Variants in SCN2A observed in about 807,000 individuals in gnomAD.
SCN2A encodes sodium voltage-gated channel alpha subunit 2, also known as sodium channel protein type 2 subunit alpha.
In SCN2A, 20 loss-of-function variants were observed where a neutral mutation model predicts 188.7. The ratio of observed to expected loss-of-function variants is 0.11; its 90% CI spans 0.07 to 0.15. The LOEUF (loss-of-function observed/expected upper bound fraction) is 0.15. SCN2A is among the 10% of genes least tolerant of loss of function. The probability of loss-of-function intolerance (pLI) is 1.00; values close to 1 mark genes in which losing one functional copy is unlikely to be tolerated. For synonymous variants in SCN2A, 804 were observed against 833.1 expected (o/e 0.97, Z 0.60); for missense variants, 1,278 against 2,445.0 (o/e 0.52, Z 10.07).
intron 17 of SCN2A, among the ~76,000 whole-genome samples, chr2:165,358,739 G>A (rs965447081): frequency 4.6e-5 from 7 of 151,816 alleles, no homozygotes; most frequent in Non-Finnish European, 7.4e-5. Context: ...ACTTTCTCCC[G>A]AAGAATATTA....
intron 16 of SCN2A, among the ~76,000 whole-genome samples, chr2:165,345,668 C>A (rs1699543894): frequency 6.6e-6 from 1 of 151,874 alleles, no homozygotes; most frequent in Non-Finnish European, 1.5e-5. Flanking sequence ...ATCCAATTTG[C>A]CAGTCTGTGT....
intron 25 of SCN2A, among the ~76,000 whole-genome samples, chr2:165,383,726 T>C (rs560839377): frequency 2.2e-4 from 34 of 152,258 alleles, no homozygotes; most frequent in African/African-American, 7.7e-4. Context: ...ATTTAAAAGT[T>C]TGTCTATTAA....
intron 1 of SCN2A, among the ~76,000 whole-genome samples, chr2:165,291,241 A>G (rs952548929): frequency 1.3e-5 from 2 of 150,836 alleles, no homozygotes; most frequent in African/African-American, 4.9e-5. Flanking sequence ...ATGGGGTTTC[A>G]TCATGTTGGC....
intron 1 of SCN2A, among the ~76,000 whole-genome samples, chr2:165,265,516 T>TATATATATC (rs71028476): frequency 8.1e-6 from 1 of 122,828 alleles, no homozygotes. Flanking sequence ...TATATATATA[T>TATATATATC]TGCTGTGCAG....
At chr2:165,329,149 TCTC>T (rs1698536553) in intron 13 of SCN2A, among the ~76,000 whole-genome samples, 1 of 152,098 alleles carries the variant, frequency 6.6e-6, no homozygotes, top group Non-Finnish European at 1.5e-5. Context: ...CAATTTTTGT[TCTC>T]CTTCTTTTTA....
At chr2:165,309,171 A>T in intron 5 of SCN2A, 181 bp from the exon 6 acceptor site, 1 of 1,613,428 alleles carries the variant, frequency 6.2e-7, no homozygotes, top group South Asian at 1.1e-5. Flanking sequence ...ACAGGTATGT[A>T]ACAGAATTTG....
chr2:165,307,993 T>A (rs908194484), intron 4 of SCN2A, 56 bp downstream of exon 4: 5 of 1,184,146 alleles, frequency 4.2e-6, no homozygotes, highest in Non-Finnish European at 6.3e-6. Flanking sequence ...ATTGTGCTTT[T>A]AACACCTTGA....
intron 3 of SCN2A, among the ~76,000 whole-genome samples, chr2:165,301,752 G>T (rs1316526745): frequency 6.6e-6 from 1 of 152,106 alleles, no homozygotes; most frequent in Non-Finnish European, 1.5e-5. Flanking sequence ...ATTGCACAAA[G>T]AACTTTATAG....
chr2:165,377,444 C>T (rs1035268817), intron 22 of SCN2A, among the ~76,000 whole-genome samples, 153 bp from the exon 23 acceptor site: 10 of 151,802 alleles, frequency 6.6e-5, no homozygotes, highest in African/African-American at 1.9e-4. Flanking sequence ...CAATGCATAT[C>T]GCAAAACATT....
intron 1 of SCN2A, among the ~76,000 whole-genome samples, chr2:165,292,956 G>A (rs1258635555): frequency 3.3e-5 from 5 of 152,304 alleles, no homozygotes; most frequent in African/African-American, 1.2e-4. Flanking sequence ...TGAAAGCCTA[G>A]CATTCACAAT....
At chr2:165,388,499 C>A in intron 26 of SCN2A, 130 bp from the exon 27 acceptor site, 1 of 1,247,006 alleles carries the variant, frequency 8.0e-7, no homozygotes, top group Non-Finnish European at 1.1e-6. Flanking sequence ...ACAAACATTG[C>A]AGATTATTTG....
intron 18 of SCN2A, 72 bp downstream of exon 18, chr2:165,365,335 G>T (rs1443389263): frequency 1.3e-6 from 2 of 1,556,928 alleles, no homozygotes; most frequent in Non-Finnish European, 1.8e-6. Flanking sequence ...TTATTTAAAT[G>T]TCTGTTTATT....
At position 165,297,110 on chromosome 2, in the gene SCN2A, T is replaced by C. The variant is rs374951365; in HGVS notation, c.361T>C (p.Leu121=). 18 of 1,602,786 alleles carry C rather than the reference T, an allele frequency of 1.1e-5. No individual in the cohort carries two copies. The highest frequency in any genetic ancestry group is 1.5e-5 in the Non-Finnish European group (17 of 1,170,194). Residue 121 remains leucine, a synonymous_variant, in exon 3 of 27, where the codon TTA becomes CTA. Coordinates refer to ENST00000375437, the MANE Select transcript of SCN2A (RefSeq NM_001040142.2). The part of the protein sequence containing the change: ...ILTPFNPIRK[L]AIKILVHSLF... ...AACTCCCTTCAACCCTATTAGAAAA[T>C]TAGCTATTAAGATTTTGGTACATTC...
intron 3 of SCN2A, among the ~76,000 whole-genome samples, chr2:165,299,430 A>G (rs1251312886): frequency 2.0e-5 from 3 of 152,254 alleles, no homozygotes; most frequent in African/African-American, 7.2e-5. Context: ...TGAGAAGTTT[A>G]CAGATGGCTT....
At chr2:165,276,796 T>G (rs1333627671) in intron 1 of SCN2A, among the ~76,000 whole-genome samples, 16 of 152,180 alleles carry the variant, frequency 1.1e-4, no homozygotes, top group Admixed American at 1.0e-3. Context: ...TCTCAATCAC[T>G]CATCAGGAAG....
At chr2:165,251,625 C>T (rs1694098981) in intron 1 of SCN2A, among the ~76,000 whole-genome samples, 1 of 152,042 alleles carries the variant, frequency 6.6e-6, no homozygotes, top group African/African-American at 2.4e-5. Context: ...TGCCAAGTGG[C>T]CCCTACTCCC....
At chr2:165,295,092 T>G (rs1276963882) in intron 1 of SCN2A, among the ~76,000 whole-genome samples, 2 of 152,192 alleles carry the variant, frequency 1.3e-5, no homozygotes, top group African/African-American at 4.8e-5. Flanking sequence ...TGTGGATGAC[T>G]TCCTGCCCGG....
Position 165,390,227 on chromosome 2 carries a change from C to T in SCN2A, c.*403C>T. Reference sequence around the variant, plus strand: ...CTGCCATATTTTTACAAAACGTGTGCTGTGAATTTATCACTTTTCTTTTTA... The same window carrying T: ...CTGCCATATTTTTACAAAACGTGTGTTGTGAATTTATCACTTTTCTTTTTA... On this transcript the variant is annotated 3_prime_UTR_variant, in exon 27 of 27. Transcript: ENST00000375437. The T allele has an allele frequency of 4.9e-6, 1 of 202,630 alleles. No homozygotes were observed. The highest frequency in any genetic ancestry group is 1.0e-5 in the Non-Finnish European group (1 of 98,408). The allele number at this position is 202,630 out of a possible 1,614,324, so 12.6% of individuals were successfully genotyped here.
chr2:165,278,834 A>G (rs1258333092), intron 1 of SCN2A, among the ~76,000 whole-genome samples: 1 of 152,090 alleles, frequency 6.6e-6, no homozygotes, highest in Non-Finnish European at 1.5e-5. Flanking sequence ...GGAGGCTGAG[A>G]TGGGAGGATC....
Sources: gnomAD v4.1 joint callset for allele counts (sites outside exome capture counted in the v4.1 genomes callset) on GRCh38, gnomAD v4.1.1 for gene constraint, MANE v1.5 for transcripts, NCBI Gene and HGNC (gene_info 2026-07-23, HGNC 2026-07-21) for gene names.